Variants in ASCC1 observed in about 807,000 individuals in gnomAD.
ASCC1 encodes ASC-1 complex subunit P50.
Under a neutral mutation model 46.6 loss-of-function variants are expected in ASCC1, and 35 were observed. The observed-to-expected ratio is 0.75, with a 90% CI of 0.57 to 0.99. ASCC1 has a LOEUF of 0.99. Among genes scored for constraint, ASCC1 ranks in the 50% least tolerant of loss-of-function variants. The pLI, the probability that ASCC1 is intolerant of heterozygous loss-of-function variation, is 0.00. For synonymous variants in ASCC1, 143 were observed against 146.6 expected (o/e 0.98, Z 0.18); for missense variants, 376 against 428.7 (o/e 0.88, Z 1.09).
chr10:72,108,161 C>G (rs1367071865), intron 9 of ASCC1, among the ~76,000 whole-genome samples: 3 of 151,188 alleles, frequency 2.0e-5, no homozygotes, highest in African/African-American at 7.3e-5. Context: ...ACTGCAGCCT[C>G]CACCTCCCAG....
At chr10:72,152,318 C>G (rs1848460831) in intron 7 of ASCC1, among the ~76,000 whole-genome samples, 1 of 151,944 alleles carries the variant, frequency 6.6e-6, no homozygotes, top group Non-Finnish European at 1.5e-5. Flanking sequence ...GCGTGAGCCA[C>G]CATGCCCAGC....
rs565163052 is a variant in ASCC1 at position 72,161,089 on chromosome 10, C to T, written c.626+449G>A. ...CAGAGCAAGATTCCATCTCAAAAAA[C>T]AAAAAAAAAGAAAGTAAGTCAGTAT... On this transcript the variant is annotated intron_variant, in intron 6 of 9. Coordinates refer to ENST00000672957, the MANE Select transcript of ASCC1 (RefSeq NM_001198800.3). 2.6e-4 allele frequency among the ~76,000 whole-genome samples: 36 copies of T among 136,126 alleles called. No individual in the cohort carries two copies. The South Asian group carries it at 8.4e-3, about 32-fold the overall frequency. The allele number at this position is 136,126 out of a possible 152,430, so 89.3% of individuals were successfully genotyped here.
At chr10:72,152,306 G>A (rs1028475706) in intron 7 of ASCC1, among the ~76,000 whole-genome samples, 4 of 149,988 alleles carry the variant, frequency 2.7e-5, no homozygotes, top group South Asian at 2.1e-4. Flanking sequence ...CTAGGATTAC[G>A]GGCGTGAGCC....
chr10:72,110,076 G>A (rs1194672927), intron 9 of ASCC1, among the ~76,000 whole-genome samples: 1 of 152,228 alleles, frequency 6.6e-6, no homozygotes, highest in African/African-American at 2.4e-5. Context: ...CCTGTGACTA[G>A]CAACCCTAAG....
chr10:72,112,846 C>T (rs1170173024), intron 9 of ASCC1, among the ~76,000 whole-genome samples: 2 of 148,980 alleles, frequency 1.3e-5, no homozygotes, highest in Admixed American at 1.3e-4. Context: ...CCACTGCACC[C>T]CAGCCTGGGC....
At chr10:72,216,023 G>A (rs894286833) in intron 1 of ASCC1, 184 bp downstream of exon 1, 1 of 152,308 alleles carries the variant, frequency 6.6e-6, no homozygotes, top group African/African-American at 2.4e-5. Context: ...CGCCGCCTTC[G>A]CCGCTGGCTC....
At chr10:72,097,716 T>G (rs1841249447) in intron 9 of ASCC1, among the ~76,000 whole-genome samples, 1 of 152,152 alleles carries the variant, frequency 6.6e-6, no homozygotes, top group African/African-American at 2.4e-5. Context: ...AAAAGTCAAA[T>G]CCGAAATTCA....
chr10:72,206,959 G>A (rs1857306030), intron 3 of ASCC1, among the ~76,000 whole-genome samples: 1 of 152,140 alleles, frequency 6.6e-6, no homozygotes, highest in Non-Finnish European at 1.5e-5. Flanking sequence ...CTCATTTGCT[G>A]GCTCTGGGTC....
chr10:72,114,910 G>A (rs766897091), intron 9 of ASCC1, among the ~76,000 whole-genome samples: 1 of 152,146 alleles, frequency 6.6e-6, no homozygotes, highest in Non-Finnish European at 1.5e-5. Flanking sequence ...GCCAAATGGT[G>A]TGTAAGTAAA....
intron 5 of ASCC1, among the ~76,000 whole-genome samples, chr10:72,168,825 G>C (rs373600349): frequency 6.6e-6 from 1 of 152,310 alleles, no homozygotes; most frequent in African/African-American, 2.4e-5. Context: ...GCCAGGAAGA[G>C]GCTATAGCAG....
chr10:72,210,910 T>A lies in ASCC1; in HGVS notation c.113-79A>T, dbSNP rs941568935. On this transcript the variant is annotated intron_variant, in intron 2 of 9. Transcript: ENST00000672957. ...AGCTTTCGCCTCAGCTGTCAACCGC[T>A]GTTGAGGTTTAAAAAAAGCAATACA... is the stretch of plus-strand genomic sequence containing the variant. The A allele has an allele frequency of 2.2e-6, 3 of 1,360,778 alleles. No individual in the cohort carries two copies. The African/African-American group carries it at 4.3e-5, about 20-fold the overall frequency. The allele number at this position is 1,360,778 out of a possible 1,614,324, so 84.3% of individuals were successfully genotyped here. A position where few individuals can be genotyped will look rare whatever the true frequency, so the allele number is the denominator to read the frequency against.
rs374450121 is a variant in ASCC1, at chr10:72,137,577, C to T, written c.747-4396G>A. On this transcript the variant is annotated intron_variant, in intron 7 of 9. Transcript: ENST00000672957. ...AAACATAAGGAAAAACGAAAAACAA[C>T]TAAAAGCACGGAAACCAATTAAGAG... Among the ~76,000 whole-genome samples the T allele has an allele frequency of 2.6e-3, 365 of 139,386 alleles. 3 individuals carry two copies. The highest frequency in any genetic ancestry group is 8.6e-3 in the African/African-American group (326 of 37,806). The allele number at this position is 139,386 out of a possible 152,430, so 91.4% of individuals were successfully genotyped here.
At chr10:72,109,019 C>G (rs1195889455) in intron 9 of ASCC1, among the ~76,000 whole-genome samples, 2 of 152,204 alleles carry the variant, frequency 1.3e-5, no homozygotes, top group Non-Finnish European at 2.9e-5. Flanking sequence ...TCTCCAAACA[C>G]AGCTTAACTC....
intron 9 of ASCC1, among the ~76,000 whole-genome samples, chr10:72,103,705 C>G (rs938120197): frequency 6.6e-6 from 1 of 152,078 alleles, no homozygotes; most frequent in African/African-American, 2.4e-5. Flanking sequence ...GACCCTCATT[C>G]GACAGATACC....
At chr10:72,151,814 G>A (rs1377795798) in intron 7 of ASCC1, among the ~76,000 whole-genome samples, 11 of 149,332 alleles carry the variant, frequency 7.4e-5, no homozygotes, top group East Asian at 4.0e-4. Context: ...TCAGCCTCCC[G>A]AGTAGCTGGG....
chr10:72,204,445 C>T, intron 3 of ASCC1: 1 of 1,550,364 alleles, frequency 6.5e-7, no homozygotes, highest in Non-Finnish European at 8.7e-7. Flanking sequence ...TATAAATATT[C>T]TGACAATCCA....
intron 2 of ASCC1, among the ~76,000 whole-genome samples, chr10:72,211,905 C>T (rs1589665883): frequency 6.6e-6 from 1 of 152,056 alleles, no homozygotes; most frequent in Admixed American, 6.6e-5. Flanking sequence ...CAATACAGGC[C>T]GGTCATGGTG....
At chr10:72,133,299 C>T (rs946688993) in intron 7 of ASCC1, 118 bp from the exon 8 acceptor site, 1 of 1,026,296 alleles carries the variant, frequency 9.7e-7, no homozygotes, top group Non-Finnish European at 1.5e-6. Context: ...CAAAGCCCTG[C>T]ATCACAGGAG....
chr10:72,147,074 C>T (rs1309062357), intron 7 of ASCC1, among the ~76,000 whole-genome samples: 1 of 148,638 alleles, frequency 6.7e-6, no homozygotes, highest in Non-Finnish European at 1.5e-5. Context: ...GAATAAGTCC[C>T]TTAGGCATCC....
Sources: allele counts gnomAD v4.1 joint callset (sites outside exome capture counted in the v4.1 genomes callset), GRCh38; gene constraint gnomAD v4.1.1; transcripts MANE v1.5; gene names NCBI Gene and HGNC (gene_info 2026-07-23, HGNC 2026-07-21).